The following TMEM87A variants were observed in gnomAD, a reference collection of about 807,000 sequenced individuals.
TMEM87A encodes Golgi-pH regulating cation channel.
TMEM87A carries 50 observed loss-of-function variants against 90.0 expected under a neutral mutation model. That is an observed-to-expected ratio of 0.56 (90% CI 0.44 to 0.70). The LOEUF (loss-of-function observed/expected upper bound fraction) is 0.70, where lower values mean the gene tolerates loss of function less well. Among genes scored for constraint, TMEM87A ranks in the 30% least tolerant of loss-of-function variants. TMEM87A has a pLI of 0.00. For missense variants in TMEM87A, 577 were observed against 660.5 expected (o/e 0.87, Z 1.39); for synonymous variants, 226 against 226.7 (o/e 1.00, Z 0.03).
At chr15:42,248,339 G>C (rs1042269434) in intron 6 of TMEM87A, among the ~76,000 whole-genome samples, 4 of 152,274 alleles carry the variant, frequency 2.6e-5, no homozygotes, top group Non-Finnish European at 5.9e-5. Context: ...AGTAGTGAGA[G>C]AGGACATCCC....
chr15:42,239,788 A>G (rs1443085438), intron 7 of TMEM87A, 57 bp from the exon 8 acceptor site: 1 of 1,409,458 alleles, frequency 7.1e-7, no homozygotes, highest in East Asian at 2.3e-5. Context: ...AAACAAAAAT[A>G]TTGCCTAATA....
At position 42,261,355 on chromosome 15, in the gene TMEM87A, T is replaced by C. The variant is rs1184318793; in HGVS notation, c.406-106A>G. 49 of 800,488 alleles carry C rather than the reference T, an allele frequency of 6.1e-5. No homozygotes were observed. In the East Asian group the frequency reaches 1.3e-3, roughly 22 times the overall value. The allele number at this position is 800,488 out of a possible 1,614,324, so 49.6% of individuals were successfully genotyped here. ...TTAGAACAAAACACCACACCCTAAC[T>C]AGTAAATATAATAACACAGCATCAG... On this transcript the variant is annotated intron_variant, in intron 4 of 19. Coordinates refer to ENST00000389834, the MANE Select transcript of TMEM87A (RefSeq NM_015497.5).
chr15:42,260,563 T>C (rs1183582365), intron 6 of TMEM87A, among the ~76,000 whole-genome samples: 1 of 152,224 alleles, frequency 6.6e-6, no homozygotes, highest in Non-Finnish European at 1.5e-5. Context: ...ATCCATACAA[T>C]GCATATTTAT....
chr15:42,273,166 C>A, intron 1 of TMEM87A, 89 bp downstream of exon 1: 1 of 1,538,268 alleles, frequency 6.5e-7, no homozygotes, highest in Non-Finnish European at 8.9e-7. Context: ...TTTGAAGAGA[C>A]TTTTGCGGAA....
At position 42,263,201 on chromosome 15, in the gene TMEM87A, T is replaced by C. The variant is rs117652598; in HGVS notation, c.405+889A>G. On this transcript the variant is annotated intron_variant, in intron 4 of 19. Transcript: ENST00000389834. Reference sequence around the variant, plus strand: ...AACAAAATGTGGTACATACATACAATAGAACATCACTTAGCCTTAAAAAGG... The same window carrying C: ...AACAAAATGTGGTACATACATACAACAGAACATCACTTAGCCTTAAAAAGG... Among the ~76,000 whole-genome samples the C allele has an allele frequency of 5.3e-3, 802 of 152,308 alleles. 1 individual carries two copies. The highest frequency in any genetic ancestry group is 9.0e-3 in the Non-Finnish European group (615 of 68,020).
At position 42,261,378 on chromosome 15, in the gene TMEM87A, C is replaced by A. The variant is rs757009595; in HGVS notation, c.406-129G>T. The A allele has an allele frequency of 7.3e-5, 47 of 643,520 alleles. No individual in the cohort carries two copies. In the South Asian group the frequency reaches 1.4e-3, roughly 19 times the overall value. 39.9% of individuals were successfully genotyped at this position (643,520 alleles called of 1,614,324 possible). A position where few individuals can be genotyped will look rare whatever the true frequency, so the allele number is the denominator to read the frequency against. ...ACTAGTAAATATAATAACACAGCATCAGTAGACAAAACATTTCCAATTAAC... is the reference window on the plus strand; with the variant it reads ...ACTAGTAAATATAATAACACAGCATAAGTAGACAAAACATTTCCAATTAAC... On this transcript the variant is annotated intron_variant, in intron 4 of 19. Transcript: ENST00000389834.
At chr15:42,238,949 AAGG>A (rs1168630346) in intron 8 of TMEM87A, among the ~76,000 whole-genome samples, 1 of 152,068 alleles carries the variant, frequency 6.6e-6, no homozygotes, top group Non-Finnish European at 1.5e-5. Context: ...AAAATATATT[AAGG>A]ATATTCTGAG....
rs1405048807 is a variant in TMEM87A, at chr15:42,217,793, G to A, written c.1626+10C>T. The A allele has an allele frequency of 1.2e-6, 2 of 1,611,670 alleles. No homozygotes were observed. The highest frequency in any genetic ancestry group is 1.3e-5 in the African/African-American group (1 of 74,792). On this transcript the variant is annotated intron_variant, in intron 19 of 19. Coordinates refer to ENST00000389834, the MANE Select transcript of TMEM87A (RefSeq NM_015497.5). ...TATACATAATTTATGCACGTGAATT[G>A]AGTACCAACCTCATCTGAATCCAGA...
intron 10 of TMEM87A, among the ~76,000 whole-genome samples, chr15:42,235,627 A>C (rs2050756366): frequency 6.6e-6 from 1 of 152,162 alleles, no homozygotes; most frequent in Admixed American, 6.5e-5. Flanking sequence ...TATATATAGA[A>C]TCTGATCTCA....
intron 19 of TMEM87A, among the ~76,000 whole-genome samples, chr15:42,216,784 A>G (rs1595703419): frequency 6.6e-6 from 1 of 152,190 alleles, no homozygotes; most frequent in East Asian, 1.9e-4. Context: ...GAAATGAACA[A>G]AACATTTTTA....
intron 6 of TMEM87A, among the ~76,000 whole-genome samples, chr15:42,256,674 G>C (rs1267129662): frequency 6.6e-6 from 1 of 152,128 alleles, no homozygotes; most frequent in Non-Finnish European, 1.5e-5. Context: ...GAAAGCACAA[G>C]TGCCAATATC....
chr15:42,270,441 G>A (rs916076345), intron 2 of TMEM87A, among the ~76,000 whole-genome samples: 4 of 151,222 alleles, frequency 2.6e-5, no homozygotes, highest in East Asian at 3.9e-4. Context: ...TTCAAAATAC[G>A]CAGTTAGGGC....
At chr15:42,243,916 T>C in intron 7 of TMEM87A, 134 bp downstream of exon 7, 1 of 507,538 alleles carries the variant, frequency 2.0e-6, no homozygotes, top group Non-Finnish European at 3.4e-6. Flanking sequence ...TAACTAAAAA[T>C]TTTAACAGCA....
Position 42,271,595 on chromosome 15 carries a change from T to C in TMEM87A, c.205+468A>G, listed in dbSNP as rs1279244736. The C allele has an allele frequency of 3.3e-5, 5 of 152,440 alleles. No individual in the cohort carries two copies. The South Asian group carries it at 8.3e-4, about 25-fold the overall frequency. The allele number at this position is 152,440 out of a possible 1,614,324, so 9.4% of individuals were successfully genotyped here. On this transcript the variant is annotated intron_variant, in intron 2 of 19. Coordinates refer to ENST00000389834, the MANE Select transcript of TMEM87A (RefSeq NM_015497.5). ...ACCTATAGCATTCAGTACAGTAACA[T>C]GTTATACAGGTTTATAGCCTAGGAG...
At chr15:42,217,155 C>T (rs1030296936) in intron 19 of TMEM87A, among the ~76,000 whole-genome samples, 6 of 151,824 alleles carry the variant, frequency 4.0e-5, no homozygotes, top group Admixed American at 1.3e-4. Flanking sequence ...GGTTTCACCA[C>T]GTTGCCCAGG....
At chr15:42,243,420 C>T (rs879738511) in intron 7 of TMEM87A, among the ~76,000 whole-genome samples, 3 of 150,654 alleles carry the variant, frequency 2.0e-5, no homozygotes, top group Non-Finnish European at 4.4e-5. Flanking sequence ...GGAAATTCCA[C>T]GTAAAAGATG....
chr15:42,257,294 T>C (rs993136664), intron 6 of TMEM87A, among the ~76,000 whole-genome samples: 22 of 151,932 alleles, frequency 1.4e-4, no homozygotes, highest in African/African-American at 4.6e-4. Context: ...TATCCCTCTA[T>C]TGGTTCCTTG....
chr15:42,218,628 T>C (rs1345383634), intron 17 of TMEM87A, among the ~76,000 whole-genome samples: 1 of 152,196 alleles, frequency 6.6e-6, no homozygotes, highest in Non-Finnish European at 1.5e-5. Flanking sequence ...GGAATTCAAC[T>C]TTTTTAGATT....
intron 6 of TMEM87A, among the ~76,000 whole-genome samples, chr15:42,256,783 CT>C (rs1225544721): frequency 6.6e-6 from 1 of 152,104 alleles, no homozygotes; most frequent in East Asian, 1.9e-4. Flanking sequence ...AGTGGTGTGA[CT>C]TTGGCTCACT....
Sources: gnomAD v4.1 joint callset for allele counts (sites outside exome capture counted in the v4.1 genomes callset) on GRCh38, gnomAD v4.1.1 for gene constraint, MANE v1.5 for transcripts, NCBI Gene and HGNC (gene_info 2026-07-23, HGNC 2026-07-21) for gene names.